The following WDR64 variants were observed in gnomAD, a reference collection of about 807,000 sequenced individuals.
The protein encoded by WDR64 is WD repeat-containing protein 64.
A neutral mutation model predicts 139.3 loss-of-function variants in WDR64; 112 were observed. The observed-to-expected ratio is 0.80, with a 90% CI of 0.69 to 0.94. The LOEUF (loss-of-function observed/expected upper bound fraction) is 0.94. Among genes scored for constraint, WDR64 ranks in the 40% least tolerant of loss-of-function variants. The pLI is 0.00. For synonymous variants in WDR64, 444 were observed against 437.7 expected (o/e 1.01, Z -0.18); for missense variants, 1,206 against 1,293.1 (o/e 0.93, Z 1.03).
chr1:241,708,472 C>G (rs1668037885), intron 8 of WDR64, among the ~76,000 whole-genome samples: 1 of 152,110 alleles, frequency 6.6e-6, no homozygotes, highest in African/African-American at 2.4e-5. Flanking sequence ...CACCACCATG[C>G]CTGGCTAATT....
rs1558456754 is a variant in WDR64 at position 241,656,893 on chromosome 1, TG to T, written c.146-3636del. On this transcript the variant is annotated intron_variant, in intron 1 of 27. Transcript: ENST00000437684. This position sits in a 1 kb window ranked among gnomAD's most constrained non-coding sequence, Gnocchi z 4.3. Reference sequence around the variant, plus strand: ...TGTTGTGTGTGTGTGTGTGTGTGTGTGTGTGTGTGTGTGTGTGTCTGTCTGG... The same window carrying T: ...TGTTGTGTGTGTGTGTGTGTGTGTGTTGTGTGTGTGTGTGTGTCTGTCTGG... Among the ~76,000 whole-genome samples the T allele has an allele frequency of 4.0e-4, 61 of 151,266 alleles. No individual in the cohort carries two copies. Among genetic ancestry groups the T allele is most frequent in the African/African-American group, 1.4e-3 (57 of 40,990 alleles).
At chr1:241,795,989 T>G (rs1323191980) in intron 26 of WDR64, among the ~76,000 whole-genome samples, 1 of 152,172 alleles carries the variant, frequency 6.6e-6, no homozygotes, top group African/African-American at 2.4e-5. Flanking sequence ...GTCTCACACC[T>G]GTAACCCTGG....
At chr1:241,660,751 G>A (rs1361712437) in intron 2 of WDR64, 91 bp downstream of exon 2, 14 of 1,398,186 alleles carry the variant, frequency 1.0e-5, no homozygotes, top group African/African-American at 1.4e-5. Flanking sequence ...ACTGCCACAG[G>A]GGTTGAACCA....
intron 21 of WDR64, among the ~76,000 whole-genome samples, chr1:241,775,914 A>G (rs955391322): frequency 1.3e-5 from 2 of 152,054 alleles, no homozygotes; most frequent in Non-Finnish European, 2.9e-5. Flanking sequence ...TTTTCTCCAT[A>G]TCTACCCCTT....
chr1:241,678,892 A>C (rs1425101646), intron 5 of WDR64, among the ~76,000 whole-genome samples: 3 of 142,714 alleles, frequency 2.1e-5, no homozygotes, highest in Admixed American at 7.4e-5. Context: ...AAAAAAGCCA[A>C]CACTGGAATT....
chr1:241,716,676 T>C (rs1196782130), intron 9 of WDR64, among the ~76,000 whole-genome samples: 1 of 148,922 alleles, frequency 6.7e-6, no homozygotes, highest in Non-Finnish European at 1.5e-5. Context: ...ATGATGATGA[T>C]GGCGATGGTG....
At chr1:241,756,582 C>T (rs1413286054) in intron 14 of WDR64, among the ~76,000 whole-genome samples, 1 of 152,022 alleles carries the variant, frequency 6.6e-6, no homozygotes, top group Non-Finnish European at 1.5e-5. Flanking sequence ...TCGGGCAAAA[C>T]AACTAAGAAA....
chr1:241,756,019 T>G (rs1053210131), intron 14 of WDR64, among the ~76,000 whole-genome samples: 5 of 152,174 alleles, frequency 3.3e-5, no homozygotes, highest in African/African-American at 7.2e-5. Context: ...TTGTTCTTTT[T>G]GCTTAGGATT....
intron 8 of WDR64, among the ~76,000 whole-genome samples, chr1:241,688,048 G>A (rs1266094267): frequency 6.6e-6 from 1 of 152,030 alleles, no homozygotes; most frequent in Non-Finnish European, 1.5e-5. Flanking sequence ...TTTTCAATCT[G>A]GTTAAATATG....
intron 27 of WDR64, among the ~76,000 whole-genome samples, chr1:241,799,767 T>A (rs1328379813): frequency 6.6e-6 from 1 of 152,182 alleles, no homozygotes; most frequent in Non-Finnish European, 1.5e-5. Context: ...CTGGTCAGAA[T>A]AACCTTATGA....
At chr1:241,798,089 T>C (rs58683066) in intron 27 of WDR64, among the ~76,000 whole-genome samples, 6 of 152,288 alleles carry the variant, frequency 3.9e-5, no homozygotes, top group African/African-American at 1.2e-4. Context: ...TTGACTCTAC[T>C]ATAATTAATT....
intron 10 of WDR64, among the ~76,000 whole-genome samples, chr1:241,727,061 A>T (rs1317900334): frequency 6.6e-6 from 1 of 151,802 alleles, no homozygotes; most frequent in African/African-American, 2.4e-5. Flanking sequence ...TCATTTTTGT[A>T]TTTTTAGTAG....
At chr1:241,767,422 C>T (rs1484561171) in intron 16 of WDR64, among the ~76,000 whole-genome samples, 1 of 151,966 alleles carries the variant, frequency 6.6e-6, no homozygotes, top group Admixed American at 6.6e-5. Context: ...ATAAGTTCTC[C>T]CCAGCTGTGT....
chr1:241,762,789 A>T (rs1475788761), intron 15 of WDR64, among the ~76,000 whole-genome samples: 1 of 150,836 alleles, frequency 6.6e-6, no homozygotes, highest in Non-Finnish European at 1.5e-5. Context: ...AAAAAAAAAT[A>T]GAATAATAAT....
chr1:241,784,976 A>AAAAAAAAAACAAAAAAAG (rs138513526), intron 23 of WDR64, among the ~76,000 whole-genome samples: 1 of 98,410 alleles, frequency 1.0e-5, no homozygotes, highest in Non-Finnish European at 2.1e-5. Context: ...AAAAAAAAAA[A>AAAAAAAAAACAAAAAAAG]GAAAGGACAT....
rs570670318 is a variant in WDR64, at chr1:241,783,009, TCA to T, written c.2596-262_2596-261del. ...CATCAATTAAATGAATCGCTAATTCTCAGTTACATGATAAATTGCCAGAGACA... is the reference window on the plus strand; with the variant it reads ...CATCAATTAAATGAATCGCTAATTCTGTTACATGATAAATTGCCAGAGACA... On this transcript the variant is annotated intron_variant, in intron 22 of 27. Transcript: ENST00000437684. 1.0e-3 allele frequency among the ~76,000 whole-genome samples: 153 copies of T among 152,306 alleles called. 2 individuals carry two copies. The highest frequency in any genetic ancestry group is 3.3e-3 in the African/African-American group (137 of 41,578).
intron 18 of WDR64, 83 bp downstream of exon 18, chr1:241,770,773 C>A: frequency 7.9e-7 from 1 of 1,267,504 alleles, no homozygotes; most frequent in Non-Finnish European, 1.1e-6. Context: ...CATTTGAGCC[C>A]CTCCTTTGAT....
intron 22 of WDR64, among the ~76,000 whole-genome samples, chr1:241,781,453 A>T (rs11588266): frequency 0.18 from 27,001 of 152,174 alleles, 2,822 homozygotes; most frequent in African/African-American, 0.27. Context: ...TAGATCAACA[A>T]ATACCAATGC....
chr1:241,735,533 C>CTTTTTTTTTTTTTTTTTT (rs58339742), intron 10 of WDR64, among the ~76,000 whole-genome samples: 6 of 103,512 alleles, frequency 5.8e-5, no homozygotes, highest in Non-Finnish European at 9.3e-5. Context: ...CTCTCTCTCT[C>CTTTTTTTTTTTTTTTTTT]TTTTTTTTTT....
Sources: gnomAD v4.1 joint callset for allele counts (sites outside exome capture counted in the v4.1 genomes callset) on GRCh38, gnomAD v4.1.1 for gene constraint, Gnocchi (gnomAD v3.1) non-coding constraint, MANE v1.5 for transcripts, NCBI Gene and HGNC (gene_info 2026-07-23, HGNC 2026-07-21) for gene names.